AHRR: variants seen among roughly 807,000 people sequenced by gnomAD.
The protein encoded by AHRR is aryl hydrocarbon receptor repressor.
Under a neutral mutation model 44.0 loss-of-function variants are expected in AHRR, and 28 were observed. That is an observed-to-expected ratio of 0.64 (90% confidence interval 0.47 to 0.87). AHRR has a LOEUF of 0.87. Ranked by LOEUF, AHRR falls within the 40% of genes least tolerant of loss-of-function variation. The pLI is 0.00. For synonymous variants in AHRR, 434 were observed against 407.0 expected, an observed-to-expected ratio of 1.07 and a Z score of -0.80; for missense variants, 990 against 953.9, an observed-to-expected ratio of 1.04 and a Z score of -0.50.
rs1741504937 is a variant in AHRR at position 321,864 on chromosome 5, C to G, written c.-11+45C>G. 6.6e-6 allele frequency: 1 copy of G among 152,042 alleles called. No individual in the cohort carries two copies. Among genetic ancestry groups the G allele is most frequent in the Non-Finnish European group, 1.5e-5 (1 of 68,044 alleles). The allele number at this position is 152,042 out of a possible 1,614,324, so 9.4% of individuals were successfully genotyped here. ...CCGCAGGCCCCCGCCGCGTGCCGCCCGCGGTGGAGACGGGATGCGCTCCCG... is the reference window on the plus strand; with the variant it reads ...CCGCAGGCCCCCGCCGCGTGCCGCCGGCGGTGGAGACGGGATGCGCTCCCG... On this transcript the variant is annotated intron_variant, in intron 1 of 10. Coordinates refer to ENST00000684583, the MANE Select transcript of AHRR (RefSeq NM_001377236.1). This position sits in a 1 kb window ranked among gnomAD's most constrained non-coding sequence, Gnocchi z 8.3.
At chr5:332,883 C>T (rs1000654453) in intron 1 of AHRR, among the ~76,000 whole-genome samples, 2 of 148,738 alleles carry the variant, frequency 1.3e-5, no homozygotes, top group African/African-American at 2.5e-5. Context: ...GTTTTATCCT[C>T]TTGCCTAATT....
intron 5 of AHRR, 75 bp from the exon 6 acceptor site, chr5:422,654 G>A (rs969873270): frequency 4.4e-6 from 7 of 1,602,178 alleles, no homozygotes; most frequent in East Asian, 2.2e-5. Flanking sequence ...GAAATTTTTC[G>A]GTTACTCGTC....
intron 3 of AHRR, among the ~76,000 whole-genome samples, chr5:367,180 G>A (rs1373518603): frequency 2.0e-5 from 3 of 152,192 alleles, no homozygotes; most frequent in East Asian, 1.9e-4. Context: ...CTGGGGGGTC[G>A]CCGCAGATCC....
intron 1 of AHRR, among the ~76,000 whole-genome samples, chr5:323,182 C>T (rs1300692905): frequency 6.6e-6 from 1 of 152,240 alleles, no homozygotes; most frequent in African/African-American, 2.4e-5. Context: ...GCAGCTTCGA[C>T]CTGTGTCCCA....
intron 1 of AHRR, among the ~76,000 whole-genome samples, chr5:340,684 A>AT (rs1742306398): frequency 2.3e-4 from 6 of 26,146 alleles, no homozygotes; most frequent in African/African-American, 1.1e-3. Context: ...ATATATATAT[A>AT]TATATTTTTT....
chr5:344,964 T>TG (rs1553978916), intron 2 of AHRR, among the ~76,000 whole-genome samples: 1 of 65,478 alleles, frequency 1.5e-5, no homozygotes, highest in Non-Finnish European at 2.6e-5. Flanking sequence ...TGTGTGAGGT[T>TG]GGGGGCTGTG....
At chr5:376,559 T>TGAATGAATAAGACA in intron 3 of AHRR, 51 bp from the exon 4 acceptor site, 1 of 241,106 alleles carries the variant, frequency 4.1e-6, no homozygotes, top group Non-Finnish European at 7.4e-6. Flanking sequence ...TGAAGAAGAG[T>TGAATGAATAAGACA]GGCCAGGCCA....
Position 355,206 on chromosome 5 carries a change from C to T in AHRR, c.244+1295C>T, listed in dbSNP as rs73734237. On this transcript the variant is annotated intron_variant, in intron 3 of 10. Coordinates refer to ENST00000684583, the MANE Select transcript of AHRR (RefSeq NM_001377236.1). ...TTTACCTGAGAGACCTGGGGTTTGCCGTATGTGCAGGATGGCAGCTTTTCC... is the reference window on the plus strand; with the variant it reads ...TTTACCTGAGAGACCTGGGGTTTGCTGTATGTGCAGGATGGCAGCTTTTCC... Among the ~76,000 whole-genome samples the T allele has an allele frequency of 9.2e-3, 1,399 of 152,270 alleles. 23 individuals carry two copies. Among genetic ancestry groups the T allele is most frequent in the African/African-American group, 0.031 (1,280 of 41,540 alleles).
chr5:432,494 G>A lies in AHRR; in HGVS notation c.940G>A (p.Glu314Lys). The A allele has an allele frequency of 2.5e-6, 4 of 1,614,150 alleles. No individual in the cohort carries two copies. Among genetic ancestry groups the A allele is most frequent in the Non-Finnish European group, 3.4e-6 (4 of 1,180,018 alleles). Residue 314 changes from glutamate to lysine, a missense_variant, in exon 9 of 11, where the codon GAA (glutamate) becomes AAA (lysine). By Grantham distance (56) the Glu-to-Lys change is moderately conservative. Coordinates refer to ENST00000684583, the MANE Select transcript of AHRR (RefSeq NM_001377236.1). ...VKATTSLCESELHGKPNYSAG... is the reference protein window; with the variant it reads ...VKATTSLCESKLHGKPNYSAG... ...AGCCACCACCAGTCTGTGCGAATCG[G>A]AACTGCATGGAAAACCCAATTACTC...
rs544777488 is a variant in AHRR, at chr5:395,623, G to A, written c.352-17721G>A. Among the ~76,000 whole-genome samples, 49 of 152,342 alleles carry A rather than the reference G, an allele frequency of 3.2e-4. No homozygotes were observed. The highest frequency in any genetic ancestry group is 9.9e-4 in the African/African-American group (41 of 41,574). ...CTTGCGTGTCTGGAAGCCCCAAGCC[G>A]CTCGGCAGACGGTCATCGGGCCGCG... On this transcript the variant is annotated intron_variant, in intron 4 of 10. Transcript: ENST00000684583. The surrounding 1 kb of genome is among the most constrained non-coding windows in gnomAD (Gnocchi z 5.3).
chr5:372,880 T>A (rs1245267431), intron 3 of AHRR, among the ~76,000 whole-genome samples: 1 of 152,144 alleles, frequency 6.6e-6, no homozygotes, highest in Non-Finnish European at 1.5e-5. Context: ...GGGTTCCCGG[T>A]GACACCTTGC....
At chr5:364,503 T>C (rs953748842) in intron 3 of AHRR, among the ~76,000 whole-genome samples, 11 of 152,066 alleles carry the variant, frequency 7.2e-5, no homozygotes, top group Admixed American at 6.5e-4. Context: ...TAATTTGTAA[T>C]AAAATTTTCA....
intron 2 of AHRR, among the ~76,000 whole-genome samples, chr5:352,343 G>C (rs1742885180): frequency 6.6e-6 from 1 of 151,240 alleles, no homozygotes; most frequent in South Asian, 2.1e-4. Context: ...GGTTAAATGG[G>C]TCAGCTGTAG....
chr5:362,147 G>A (rs114711042), intron 3 of AHRR, among the ~76,000 whole-genome samples: 1,689 of 152,262 alleles, frequency 0.011, 32 homozygotes, highest in African/African-American at 0.039. Flanking sequence ...ACACGTATAA[G>A]GAGAGACATC....
At chr5:356,426 G>A (rs2126401653) in intron 3 of AHRR, among the ~76,000 whole-genome samples, 1 of 152,356 alleles carries the variant, frequency 6.6e-6, no homozygotes, top group South Asian at 2.1e-4. Context: ...CCTTGGGGGT[G>A]CCTGTGTTTG....
chr5:345,611 T>G (rs1056931916), intron 2 of AHRR, among the ~76,000 whole-genome samples: 2 of 151,398 alleles, frequency 1.3e-5, no homozygotes, highest in African/African-American at 2.4e-5. Context: ...TGTGTGTGGG[T>G]GTGTGTGTCG....
chr5:412,589 T>TA (rs1397609333), intron 4 of AHRR, among the ~76,000 whole-genome samples: 4 of 152,170 alleles, frequency 2.6e-5, no homozygotes, highest in Non-Finnish European at 2.9e-5. Flanking sequence ...CAAAGGGGCT[T>TA]ACCACATGAA....
Position 434,020 on chromosome 5 carries a change from G to C in AHRR, c.1280G>C (p.Arg427Pro), listed in dbSNP as rs373549252. 6.3e-6 allele frequency: 10 copies of C among 1,591,954 alleles called. No individual in the cohort carries two copies. The African/African-American group carries it at 1.2e-4, about 19-fold the overall frequency. ...QPSKNDPPSL[R>P]PMPRGSCLPC... ...AGCAAGAATGACCCGCCCTCCCTGCGCCCCATGCCCCGCGGCTCCTGCCTG... is the reference window on the plus strand; with the variant it reads ...AGCAAGAATGACCCGCCCTCCCTGCCCCCCATGCCCCGCGGCTCCTGCCTG... The change falls in exon 11 of 11, where the codon CGC (arginine) becomes CCC (proline). Residue 427 changes from arginine (R) to proline (P), a missense_variant. Physicochemically the swap from Arg to Pro is moderately radical, Grantham distance 103. Transcript: ENST00000684583.
chr5:393,222 G>A (rs904251090), intron 4 of AHRR, among the ~76,000 whole-genome samples: 3 of 152,192 alleles, frequency 2.0e-5, no homozygotes, highest in East Asian at 1.9e-4. Flanking sequence ...GGCCTGTGCC[G>A]GCACAGACGC....
Sources: allele counts gnomAD v4.1 joint callset (sites outside exome capture counted in the v4.1 genomes callset), GRCh38; gene constraint gnomAD v4.1.1; non-coding constraint Gnocchi (gnomAD v3.1); transcripts MANE v1.5; gene names NCBI Gene and HGNC (gene_info 2026-07-23, HGNC 2026-07-21).